PALM2AKAP2: variants seen among roughly 807,000 people sequenced by gnomAD.
PALM2AKAP2 encodes PALM2 and AKAP2 fusion.
PALM2AKAP2 carries 37 observed loss-of-function variants against 71.5 expected under a neutral mutation model. The ratio of observed to expected loss-of-function variants is 0.52; its 90% CI spans 0.40 to 0.68. PALM2AKAP2 has a LOEUF of 0.68. Among genes scored for constraint, PALM2AKAP2 ranks in the 30% least tolerant of loss-of-function variants. The pLI is 0.00. For synonymous variants in PALM2AKAP2, 468 were observed against 478.8 expected, an observed-to-expected ratio of 0.98 and a Z score of 0.29; for missense variants, 1,224 against 1,191.8, an observed-to-expected ratio of 1.03 and a Z score of -0.40.
chr9:109,930,040 C>G (rs1453141558), intron 5 of PALM2AKAP2, among the ~76,000 whole-genome samples: 1 of 152,038 alleles, frequency 6.6e-6, no homozygotes, highest in Admixed American at 6.6e-5. Context: ...ACCATCATCT[C>G]AAAGGCTCAA....
intron 3 of PALM2AKAP2, among the ~76,000 whole-genome samples, chr9:109,902,305 A>G (rs771894929): frequency 3.3e-5 from 5 of 152,226 alleles, no homozygotes; most frequent in Non-Finnish European, 7.3e-5. Context: ...CAGCTTCTAT[A>G]GCACCCTTTC....
At chr9:109,823,005 C>T (rs146039816) in intron 1 of PALM2AKAP2, among the ~76,000 whole-genome samples, 1 of 152,248 alleles carries the variant, frequency 6.6e-6, no homozygotes, top group East Asian at 1.9e-4. Flanking sequence ...GCTTTCTGGT[C>T]CATGAGGTCA....
At chr9:109,699,910 G>T (rs928105740) in intron 1 of PALM2AKAP2, among the ~76,000 whole-genome samples, 2 of 151,986 alleles carry the variant, frequency 1.3e-5, no homozygotes, top group African/African-American at 4.8e-5. Context: ...TGAGTAGCTG[G>T]GACTACAGGC....
chr9:110,102,795 T>C (rs969095110), intron 1 of PALM2AKAP2, among the ~76,000 whole-genome samples: 1 of 152,200 alleles, frequency 6.6e-6, no homozygotes, highest in Admixed American at 6.5e-5. Context: ...GACCCAAACC[T>C]ACATGATCTG....
At chr9:109,648,555 G>A (rs892303668) in intron 1 of PALM2AKAP2, among the ~76,000 whole-genome samples, 2 of 152,200 alleles carry the variant, frequency 1.3e-5, no homozygotes, top group Non-Finnish European at 2.9e-5. Flanking sequence ...TTAGGAGACT[G>A]GAGAGTGATG....
At chr9:110,126,902 T>C (rs1835619731) in intron 1 of PALM2AKAP2, among the ~76,000 whole-genome samples, 2 of 152,230 alleles carry the variant, frequency 1.3e-5, no homozygotes, top group Admixed American at 1.3e-4. Flanking sequence ...GTTCATAGGC[T>C]AAGCTATGGT....
intron 3 of PALM2AKAP2, among the ~76,000 whole-genome samples, chr9:109,896,704 G>C: frequency 6.6e-6 from 1 of 152,082 alleles, no homozygotes; most frequent in East Asian, 1.9e-4. Flanking sequence ...CCAGCTACTC[G>C]GGAGGCTGAG....
chr9:109,825,879 T>C (rs183860311), intron 1 of PALM2AKAP2, among the ~76,000 whole-genome samples: 1 of 152,060 alleles, frequency 6.6e-6, no homozygotes, highest in East Asian at 1.9e-4. Context: ...TACACAAAGG[T>C]TTATAAATCA....
chr9:110,007,566 C>T (rs762008312), intron 6 of PALM2AKAP2, among the ~76,000 whole-genome samples: 10 of 152,230 alleles, frequency 6.6e-5, no homozygotes, highest in Middle Eastern at 3.4e-3. Flanking sequence ...AGGTATGACA[C>T]TATATTGTAC....
At chr9:109,961,384 A>G (rs1408694745) in intron 6 of PALM2AKAP2, among the ~76,000 whole-genome samples, 2 of 152,170 alleles carry the variant, frequency 1.3e-5, no homozygotes, top group Non-Finnish European at 2.9e-5. Flanking sequence ...GTATAAACAC[A>G]TGGTATGGGG....
chr9:109,861,752 T>A (rs940544890), intron 1 of PALM2AKAP2, among the ~76,000 whole-genome samples: 1 of 152,262 alleles, frequency 6.6e-6, no homozygotes, highest in Non-Finnish European at 1.5e-5. Context: ...TTTCCTCATA[T>A]GCATAGCAAC....
At chr9:109,896,427 C>T (rs1009450720) in intron 3 of PALM2AKAP2, among the ~76,000 whole-genome samples, 11 of 152,070 alleles carry the variant, frequency 7.2e-5, no homozygotes, top group African/African-American at 1.9e-4. Flanking sequence ...GGTGGTGAGT[C>T]AGAAGGGGCA....
At chr9:110,065,058 A>C (rs1449272999) in intron 1 of PALM2AKAP2, among the ~76,000 whole-genome samples, 1 of 152,174 alleles carries the variant, frequency 6.6e-6, no homozygotes, top group Non-Finnish European at 1.5e-5. Context: ...CCCCATCAGT[A>C]AGCTTTGGTG....
chr9:110,133,179 C>G (rs1312479973), intron 1 of PALM2AKAP2, among the ~76,000 whole-genome samples: 1 of 152,154 alleles, frequency 6.6e-6, no homozygotes, highest in South Asian at 2.1e-4. Context: ...CATTCATCAT[C>G]GAGCACTTGA....
intron 1 of PALM2AKAP2, among the ~76,000 whole-genome samples, chr9:109,847,013 A>G (rs1337845913): frequency 6.6e-6 from 1 of 152,246 alleles, no homozygotes; most frequent in Non-Finnish European, 1.5e-5. Flanking sequence ...CAATGTGGCC[A>G]GTGGGGAGAT....
chr9:109,760,775 A>G (rs1327787), intron 1 of PALM2AKAP2, among the ~76,000 whole-genome samples: 129,987 of 152,222 alleles, frequency 0.85, 55,927 homozygotes, highest in African/African-American at 0.96. Context: ...CGAAACAAGT[A>G]TCTGTCCTTC....
intron 1 of PALM2AKAP2, among the ~76,000 whole-genome samples, chr9:110,107,430 T>A (rs1405837176): frequency 6.6e-6 from 1 of 152,184 alleles, no homozygotes; most frequent in Non-Finnish European, 1.5e-5. Context: ...AGAAATAGGA[T>A]CTTAGATCAA....
chr9:110,167,329 C>G (rs894927306), intron 3 of PALM2AKAP2, among the ~76,000 whole-genome samples: 5 of 152,206 alleles, frequency 3.3e-5, no homozygotes, highest in Admixed American at 1.3e-4. Flanking sequence ...GTTGGCTCTA[C>G]TGGACTTTTC....
intron 5 of PALM2AKAP2, among the ~76,000 whole-genome samples, chr9:109,926,585 C>T (rs1329997564): frequency 2.6e-5 from 4 of 152,108 alleles, no homozygotes; most frequent in African/African-American, 9.7e-5. Context: ...TGAGGCATGC[C>T]ACACAATTAG....
Sources: gnomAD v4.1 joint callset for allele counts (sites outside exome capture counted in the v4.1 genomes callset) on GRCh38, gnomAD v4.1.1 for gene constraint, MANE v1.5 for transcripts, NCBI Gene and HGNC (gene_info 2026-07-23, HGNC 2026-07-21) for gene names.